ZKSCAN5: variants seen among roughly 807,000 people sequenced by gnomAD.
The protein encoded by ZKSCAN5 is zinc finger with KRAB and SCAN domains 5, also known as zinc finger protein with KRAB and SCAN domains 5.
Under a neutral mutation model 60.0 loss-of-function variants are expected in ZKSCAN5, and 28 were observed. The observed-to-expected ratio is 0.47, with a 90% CI of 0.35 to 0.64. The LOEUF (loss-of-function observed/expected upper bound fraction) is 0.64. Ranked by LOEUF, ZKSCAN5 falls within the 30% of genes least tolerant of loss-of-function variation. The pLI is 0.01. For missense variants in ZKSCAN5, 881 were observed against 1,034.6 expected (o/e 0.85, Z 2.04); for synonymous variants, 361 against 371.2 (o/e 0.97, Z 0.31).
intron 2 of ZKSCAN5, among the ~76,000 whole-genome samples, chr7:99,510,600 A>G (rs1478057911): frequency 6.6e-6 from 1 of 151,060 alleles, no homozygotes; most frequent in Admixed American, 6.6e-5. Flanking sequence ...ATGTACCACC[A>G]CACCAGGCTA....
At chr7:99,520,099 G>T (rs1024290582) in intron 4 of ZKSCAN5, 70 bp from the exon 5 acceptor site, 1 of 1,583,558 alleles carries the variant, frequency 6.3e-7, no homozygotes, top group African/African-American at 1.4e-5. Flanking sequence ...TTCTTAATGA[G>T]CCCAGTTCTT....
chr7:99,528,202 G>C (rs1384535278), intron 6 of ZKSCAN5, among the ~76,000 whole-genome samples: 2 of 149,824 alleles, frequency 1.3e-5, no homozygotes, highest in African/African-American at 2.5e-5. Context: ...AGTCAGTAAA[G>C]TGTCTTTAAA....
intron 2 of ZKSCAN5, among the ~76,000 whole-genome samples, chr7:99,510,425 T>G (rs1175750271): frequency 6.6e-6 from 1 of 151,862 alleles, no homozygotes; most frequent in Non-Finnish European, 1.5e-5. Flanking sequence ...TTTTGTTTAT[T>G]TTTTATTTTT....
intron 5 of ZKSCAN5, among the ~76,000 whole-genome samples, chr7:99,520,650 C>T (rs1801495597): frequency 6.6e-6 from 1 of 152,116 alleles, no homozygotes; most frequent in Admixed American, 6.6e-5. Context: ...GTGGGAGAAT[C>T]ACTTGAGTCC....
At chr7:99,513,953 G>A (rs1269295447) in intron 3 of ZKSCAN5, among the ~76,000 whole-genome samples, 1 of 152,140 alleles carries the variant, frequency 6.6e-6, no homozygotes. Flanking sequence ...GCTGAGGCAT[G>A]AGAATCGTTT....
chr7:99,525,798 C>T lies in ZKSCAN5; in HGVS notation c.773-15C>T, dbSNP rs1209532599. On this transcript the variant is annotated splice_polypyrimidine_tract_variant and intron_variant, in intron 5 of 6. Coordinates refer to ENST00000326775, the MANE Select transcript of ZKSCAN5 (RefSeq NM_145102.4). The stretch of plus-strand genomic sequence containing the variant: ...AGGAAAAGCTCATTTTTTAATTCTC[C>T]CTCTGTTATTTCAGGTTATGAGTCC... 5 of 1,575,620 alleles carry T rather than the reference C, an allele frequency of 3.2e-6. No homozygotes were observed. The Admixed American group carries it at 5.6e-5, about 18-fold the overall frequency.
intron 5 of ZKSCAN5, 90 bp from the exon 6 acceptor site, chr7:99,525,723 C>T (rs757503099): frequency 3.0e-5 from 45 of 1,487,508 alleles, no homozygotes; most frequent in Non-Finnish European, 3.9e-5. Flanking sequence ...GGATCCCTAG[C>T]ACATGTCAGT....
At chr7:99,511,158 A>G (rs1584170130) in intron 2 of ZKSCAN5, among the ~76,000 whole-genome samples, 1 of 152,216 alleles carries the variant, frequency 6.6e-6, no homozygotes, top group African/African-American at 2.4e-5. Context: ...AACTTACTAC[A>G]TTCCAATATG....
intron 6 of ZKSCAN5, among the ~76,000 whole-genome samples, chr7:99,528,586 C>G (rs983830626): frequency 2.0e-5 from 3 of 152,112 alleles, no homozygotes; most frequent in African/African-American, 4.8e-5. Flanking sequence ...ACCACCACAC[C>G]CAGCTAATTT....
intron 3 of ZKSCAN5, among the ~76,000 whole-genome samples, chr7:99,515,995 T>G (rs570410003): frequency 2.3e-3 from 333 of 145,034 alleles, no homozygotes; most frequent in Non-Finnish European, 3.8e-3. Context: ...CATCTTTGCT[T>G]TTTTTTTTTT....
chr7:99,532,231 A>G lies in ZKSCAN5; in HGVS notation c.2502A>G (p.Val834=), dbSNP rs116439008. 2 of 1,590,430 alleles carry G rather than the reference A, an allele frequency of 1.3e-6. No individual in the cohort carries two copies. The highest frequency in any genetic ancestry group is 2.2e-5 in the East Asian group (1 of 44,780). The change falls in exon 7 of 7, where the codon GTA becomes GTG. Residue 834 remains valine (V), a synonymous_variant. Transcript: ENST00000326775. ...ERTDPINTLS[V]EGSLL Reference sequence around the variant, plus strand: ...CAGATCCCATAAATACCTTAAGTGTAGAGGGGTCTCTGTTGTAGAATAGCT... The same window carrying G: ...CAGATCCCATAAATACCTTAAGTGTGGAGGGGTCTCTGTTGTAGAATAGCT...
intron 5 of ZKSCAN5, among the ~76,000 whole-genome samples, chr7:99,521,179 G>A (rs552634325): frequency 8.6e-5 from 13 of 151,918 alleles, no homozygotes; most frequent in Admixed American, 1.3e-4. Flanking sequence ...AAACATACAC[G>A]CTACAAAATA....
rs548295766 is a variant in ZKSCAN5 at position 99,508,075 on chromosome 7, A to G, written c.414+1617A>G. 1.9e-4 allele frequency among the ~76,000 whole-genome samples: 28 copies of G among 151,252 alleles called. No homozygotes were observed. The South Asian group carries it at 5.6e-3, about 30-fold the overall frequency. On this transcript the variant is annotated intron_variant, in intron 2 of 6. Transcript: ENST00000326775. ...AGCACTTGGGGAGGCCGAGGTGGGC[A>G]GTTCATGAGGTCAGAAGATCGAGAC...
intron 2 of ZKSCAN5, among the ~76,000 whole-genome samples, chr7:99,511,270 G>T (rs1331314066): frequency 6.6e-6 from 1 of 152,094 alleles, no homozygotes; most frequent in Non-Finnish European, 1.5e-5. Flanking sequence ...AAAACAGAAG[G>T]GGTGTGAGGT....
At chr7:99,511,026 GAGCCATC>G (rs1235755506) in intron 2 of ZKSCAN5, among the ~76,000 whole-genome samples, 1 of 152,162 alleles carries the variant, frequency 6.6e-6, no homozygotes, top group Non-Finnish European at 1.5e-5. Flanking sequence ...TTATAGGCAT[GAGCCATC>G]ATGCCCGGCC....
intron 6 of ZKSCAN5, among the ~76,000 whole-genome samples, chr7:99,526,974 T>C (rs1219046832): frequency 6.6e-6 from 1 of 152,222 alleles, no homozygotes. Flanking sequence ...AATGAGGATT[T>C]GGCTCTCTTA....
Position 99,506,201 on chromosome 7 carries a change from T to G in ZKSCAN5, c.157T>G (p.Phe53Val). The G allele has an allele frequency of 6.2e-7, 1 of 1,614,214 alleles. No homozygotes were observed. ...PPTFETFYQR[F>V]RHFQYHEASG... ...AACGTTTGAGACTTTTTACCAGCGC[T>G]TCAGGCACTTCCAGTACCATGAGGC... Residue 53 changes from phenylalanine to valine, a missense_variant, in exon 2 of 7, where the codon TTC becomes GTC. Phe to Val is a conservative substitution (Grantham distance 50). Transcript: ENST00000326775.
In ZKSCAN5 at chr7:99,520,305, G is replaced by C; in HGVS notation, c.772+1G>C. ...AACTATGGGAGTATTACTTCCATGG[G>C]TAAGGATTATTTCATCTGCATGGAT... On this transcript the variant is annotated splice_donor_variant, in intron 5 of 6. Transcript: ENST00000326775. LOFTEE classifies it high-confidence loss of function. 1 of 1,610,504 alleles carries C rather than the reference G, an allele frequency of 6.2e-7. No individual in the cohort carries two copies. The highest frequency in any genetic ancestry group is 8.5e-7 in the Non-Finnish European group (1 of 1,179,010).
At chr7:99,525,179 A>T (rs1801719999) in intron 5 of ZKSCAN5, among the ~76,000 whole-genome samples, 2 of 148,622 alleles carry the variant, frequency 1.3e-5, no homozygotes, top group Admixed American at 1.3e-4. Flanking sequence ...AGAAAAAAAA[A>T]AAAGAATATT....
Sources: gnomAD v4.1 joint callset for allele counts (sites outside exome capture counted in the v4.1 genomes callset) on GRCh38, gnomAD v4.1.1 for gene constraint, MANE v1.5 for transcripts, NCBI Gene and HGNC (gene_info 2026-07-23, HGNC 2026-07-21) for gene names.